Variants in GPR108 observed in about 807,000 individuals in gnomAD.
The protein encoded by GPR108 is G protein-coupled receptor 108.
GPR108 carries 60 observed loss-of-function variants against 74.3 expected under a neutral mutation model. The ratio of observed to expected loss-of-function variants is 0.81; its 90% CI spans 0.66 to 1.00. The LOEUF is 1.00. Among genes scored for constraint, GPR108 ranks in the 50% least tolerant of loss-of-function variants. The pLI, the probability that GPR108 is intolerant of heterozygous loss-of-function variation, is 0.00. For missense variants in GPR108, 667 were observed against 703.3 expected (o/e 0.95, Z 0.58); for synonymous variants, 311 against 292.4 (o/e 1.06, Z -0.65).
Position 6,736,932 on chromosome 19 carries a change from T to TG in GPR108, c.121-222dup, listed in dbSNP as rs146367234. On this transcript the variant is annotated intron_variant, in intron 1 of 17. Coordinates refer to ENST00000264080, the MANE Select transcript of GPR108 (RefSeq NM_001080452.2). ...TCTGAGAACCCAGGAACAGAGATCC[T>TG]GCGGCACCTGGAAGTCTCCCCACTG... 8.5e-3 allele frequency: 5,064 copies of TG among 594,746 alleles called. 210 individuals are homozygous for TG. The highest frequency in any genetic ancestry group is 0.085 in the African/African-American group (4,558 of 53,680). The allele number at this position is 594,746 out of a possible 1,614,324, so 36.8% of individuals were successfully genotyped here.
In GPR108 at chr19:6,732,084, C is replaced by T. The variant is rs1464382293; in HGVS notation, c.1197G>A (p.Lys399=). Residue 399 remains lysine, a synonymous_variant, in exon 13 of 18, where the codon AAG becomes AAA. Transcript: ENST00000264080. ...TGAGGTCCACCAGGAACAAAATCTC[C>T]TTCCACAGCACGTAGTCGCTGGCGC... The part of the protein sequence containing the change: ...EEGASDYVLW[K]EILFLVDLIC... The T allele has an allele frequency of 1.2e-6, 2 of 1,614,020 alleles. No individual in the cohort carries two copies. The highest frequency in any genetic ancestry group is 1.1e-5 in the South Asian group (1 of 91,086).
chr19:6,735,564 C>A, intron 4 of GPR108, 58 bp downstream of exon 4: 1 of 1,425,046 alleles, frequency 7.0e-7, no homozygotes, highest in Non-Finnish European at 9.9e-7. Flanking sequence ...TGCGTGTGGG[C>A]ATCACACCAG....
rs140383701 is a variant in GPR108 at position 6,731,126 on chromosome 19, G to A, written c.1435-15C>T. The A allele has an allele frequency of 1.5e-3, 2,488 of 1,612,448 alleles. 23 individuals carry two copies. The African/African-American group carries it at 0.028, about 18-fold the overall frequency. ...TCCACCAAGAGCTGGGGGACGGGGCGGAGTGGGGGCGTCAGGCGCACCCCC... is the reference window on the plus strand; with the variant it reads ...TCCACCAAGAGCTGGGGGACGGGGCAGAGTGGGGGCGTCAGGCGCACCCCC... On this transcript the variant is annotated splice_polypyrimidine_tract_variant and intron_variant, in intron 16 of 17. Transcript: ENST00000264080.
chr19:6,731,326 C>T (rs199922533), intron 15 of GPR108, 44 bp from the exon 16 acceptor site: 46 of 1,520,102 alleles, frequency 3.0e-5, no homozygotes, highest in South Asian at 1.3e-4. Context: ...TGTAGGGGCA[C>T]GGGCAGGCAT....
At position 6,734,163 on chromosome 19, in the gene GPR108, G is replaced by C. The variant is rs768766498; in HGVS notation, c.499+20C>G. On this transcript the variant is annotated intron_variant, in intron 5 of 17. Transcript: ENST00000264080. The stretch of plus-strand genomic sequence containing the variant: ...CAGACCTGCCCATCCACCCCCGTCT[G>C]CACAGCCAGCCTGACTCACCGCCAT... 1.1e-5 allele frequency: 17 copies of C among 1,614,176 alleles called. No homozygotes were observed. The South Asian group carries it at 1.8e-4, about 17-fold the overall frequency.
chr19:6,730,843 C>T, intron 17 of GPR108, 144 bp downstream of exon 17: 1 of 1,026,944 alleles, frequency 9.7e-7, no homozygotes. Context: ...ATCTCCCCTC[C>T]ATCCCTTCTC....
rs758601175 is a variant in GPR108 at position 6,730,191 on chromosome 19, C to G, written c.*121G>C. 1.1e-6 allele frequency: 1 copy of G among 927,940 alleles called. No individual in the cohort carries two copies. Among genetic ancestry groups the G allele is most frequent in the Admixed American group, 2.0e-5 (1 of 50,640 alleles). The allele number at this position is 927,940 out of a possible 1,614,324, so 57.5% of individuals were successfully genotyped here. On this transcript the variant is annotated 3_prime_UTR_variant, in exon 18 of 18. Transcript: ENST00000264080. ...TGGGCTTGTCCGGGAACCGGGGTCCCGGGGAGCTGGGCGCCTGGTCCACAT... is the reference window on the plus strand; with the variant it reads ...TGGGCTTGTCCGGGAACCGGGGTCCGGGGGAGCTGGGCGCCTGGTCCACAT...
In GPR108 at chr19:6,732,313, C is replaced by A; in HGVS notation, c.1075G>T (p.Val359Phe). 6.2e-7 allele frequency: 1 copy of A among 1,613,284 alleles called. No homozygotes were observed. Among genetic ancestry groups the A allele is most frequent in the Non-Finnish European group, 8.5e-7 (1 of 1,180,032 alleles). Residue 359 changes from valine to phenylalanine, a missense_variant, in exon 12 of 18, where the codon GTC becomes TTC. Transcript: ENST00000264080. Reference sequence around the variant, plus strand: ...ACCTTCTTCTCCTTATCCGACAGGACGTACTTGATGAAGGCCCAGCCTGAG... The same window carrying A: ...ACCTTCTTCTCCTTATCCGACAGGAAGTACTTGATGAAGGCCCAGCCTGAG... Reference protein sequence around the residue: ...IGSGWAFIKYVLSDKEKKVFG... With the variant: ...IGSGWAFIKYFLSDKEKKVFG...
intron 14 of GPR108, 63 bp downstream of exon 14, chr19:6,731,828 G>A: frequency 6.3e-7 from 1 of 1,588,158 alleles, no homozygotes; most frequent in South Asian, 1.1e-5. Flanking sequence ...CCAAGGGGCA[G>A]AAAGAAGGGC....
intron 8 of GPR108, 133 bp from the exon 9 acceptor site, chr19:6,733,434 C>A (rs990119923): frequency 2.3e-6 from 3 of 1,286,492 alleles, no homozygotes; most frequent in Admixed American, 4.0e-5. Flanking sequence ...CAGTTGGCCC[C>A]GTCTCTCAAA....
chr19:6,731,483 T>G lies in GPR108; in HGVS notation c.1340A>C (p.Tyr447Ser). The change falls in exon 15 of 18, where the codon TAC becomes TCC. Residue 447 changes from tyrosine (Y) to serine (S), a missense_variant. Transcript: ENST00000264080. ...NLAKLKLFRHYYVMVICYVYF... is the reference protein window; with the variant it reads ...NLAKLKLFRHSYVMVICYVYF... ...GAGGCGGGCTCCTACCATGACATAG[T>G]AATGCCGGAACAGCTTCAGCTTGGC... 6.5e-7 allele frequency: 1 copy of G among 1,540,402 alleles called. No homozygotes were observed. Among genetic ancestry groups the G allele is most frequent in the Non-Finnish European group, 8.7e-7 (1 of 1,145,446 alleles).
rs1968422132 is a variant in GPR108 at position 6,731,916 on chromosome 19, C to T, written c.1275G>A (p.Gln425=). The change falls in exon 14 of 18, where the codon CAG becomes CAA. Residue 425 remains glutamine, a synonymous_variant. Coordinates refer to ENST00000264080, the MANE Select transcript of GPR108 (RefSeq NM_001080452.2). ...FPVVWSIRHL[Q]DASGTDGKVA... is the part of the protein sequence containing the mutation. ...CCTTCCCGTCTGTGCCAGACGCATC[C>T]TGGAGATGCCGGATGGACCTGGGAC... The T allele has an allele frequency of 6.2e-7, 1 of 1,612,740 alleles. No individual in the cohort carries two copies. The highest frequency in any genetic ancestry group is 1.3e-5 in the African/African-American group (1 of 74,914).
In GPR108 at chr19:6,735,709, G is replaced by C. The variant is rs757249106; in HGVS notation, c.292-5C>G. ...GCAGTCCTGGAAATCCCGGGTCTGG[G>C]GGGTGGGCAGGAGGGAGTGAGTCTT... On this transcript the variant is annotated splice_polypyrimidine_tract_variant and splice_region_variant and intron_variant, in intron 3 of 17. Coordinates refer to ENST00000264080, the MANE Select transcript of GPR108 (RefSeq NM_001080452.2). 8 of 1,613,876 alleles carry C rather than the reference G, an allele frequency of 5.0e-6. No homozygotes were observed. The highest frequency in any genetic ancestry group is 6.8e-6 in the Non-Finnish European group (8 of 1,179,822).
At chr19:6,732,447 A>C (rs1599541411) in intron 11 of GPR108, 29 bp downstream of exon 11, 1 of 1,612,422 alleles carries the variant, frequency 6.2e-7, no homozygotes. Context: ...GCCTCCCCCC[A>C]GCTGCCCAGC....
intron 17 of GPR108, 88 bp from the exon 18 acceptor site, chr19:6,730,472 TCCC>T: frequency 1.0e-6 from 1 of 999,028 alleles, no homozygotes; most frequent in African/African-American, 2.3e-5. Flanking sequence ...CCCGCCCCAC[TCCC>T]CCCAACCACA....
rs777834464 is a variant in GPR108, at chr19:6,734,058, T to C, written c.500-4A>G. On this transcript the variant is annotated splice_polypyrimidine_tract_variant and splice_region_variant and intron_variant, in intron 5 of 17. Coordinates refer to ENST00000264080, the MANE Select transcript of GPR108 (RefSeq NM_001080452.2). Reference sequence around the variant, plus strand: ...TTGCTGGCTGCAGAGGTCCCTCCTGTAAGAGACCGGGCAGTGATTTTAAGA... The same window carrying C: ...TTGCTGGCTGCAGAGGTCCCTCCTGCAAGAGACCGGGCAGTGATTTTAAGA... 6.2e-7 allele frequency: 1 copy of C among 1,614,100 alleles called. No homozygotes were observed. The highest frequency in any genetic ancestry group is 8.5e-7 in the Non-Finnish European group (1 of 1,180,008).
intron 14 of GPR108, 78 bp downstream of exon 14, chr19:6,731,813 G>A: frequency 6.5e-7 from 1 of 1,530,678 alleles, no homozygotes; most frequent in Non-Finnish European, 9.0e-7. Context: ...GGCCAGGAGG[G>A]GCATCCAAGG....
Position 6,733,043 on chromosome 19 carries a change from G to A in GPR108, c.877C>T (p.His293Tyr). The change falls in exon 10 of 18, where the codon CAC becomes TAC. Residue 293 changes from histidine to tyrosine, a missense_variant. By Grantham distance (83) the His-to-Tyr change is moderately conservative. Transcript: ENST00000264080. ...CRNTYSVFKI[H>Y]WLMAALAFTK... is the part of the protein sequence containing the mutation. ...AAGGCCAAGGCCGCCATGAGCCAGT[G>A]GATCTTGAAGACGCTGTACCTGGTG... 6.2e-7 allele frequency: 1 copy of A among 1,613,268 alleles called. No individual in the cohort carries two copies. The highest frequency in any genetic ancestry group is 8.5e-7 in the Non-Finnish European group (1 of 1,179,646).
chr19:6,735,401 C>T (rs1968592517), intron 4 of GPR108: 1 of 535,700 alleles, frequency 1.9e-6, no homozygotes, highest in Non-Finnish European at 3.3e-6. Context: ...TTCATTCTCA[C>T]AACAACCCTC....
Sources: allele counts gnomAD v4.1 joint callset, GRCh38; gene constraint gnomAD v4.1.1; transcripts MANE v1.5; gene names NCBI Gene and HGNC (gene_info 2026-07-23, HGNC 2026-07-21).